LRRC37A2: variants seen among roughly 807,000 people sequenced by gnomAD.
LRRC37A2 encodes the protein leucine-rich repeat-containing protein 37A2.
A neutral mutation model predicts 68.8 loss-of-function variants in LRRC37A2; 9 were observed. The ratio of observed to expected loss-of-function variants is 0.13; its 90% CI spans 0.08 to 0.23. The LOEUF (loss-of-function observed/expected upper bound fraction) is 0.23, where lower values mean the gene tolerates loss of function less well. Among genes scored for constraint, LRRC37A2 ranks in the 10% least tolerant of loss-of-function variants. The probability of loss-of-function intolerance (pLI) is 1.00; values close to 1 mark genes in which losing one functional copy is unlikely to be tolerated. For synonymous variants in LRRC37A2, 63 were observed against 367.6 expected (o/e 0.17, Z 9.48); for missense variants, 168 against 950.4 (o/e 0.18, Z 10.82).
the LRRC37A2 span, chr17:46,876,653 T>G: frequency 6.2e-7 from 1 of 1,606,160 alleles, no homozygotes; most frequent in Non-Finnish European, 8.5e-7. Flanking sequence ...CCAGGTGCAG[T>G]GGTGCTGCTA....
At chr17:46,871,963 G>T in the LRRC37A2 span, among the ~76,000 whole-genome samples, 3 of 152,132 alleles carry the variant, frequency 2.0e-5, no homozygotes, top group Non-Finnish European at 4.4e-5. Context: ...GGATTACTTG[G>T]GCAGCAGCAT....
chr17:46,915,590 G>A, the LRRC37A2 span, among the ~76,000 whole-genome samples: 1 of 152,170 alleles, frequency 6.6e-6, no homozygotes, highest in Non-Finnish European at 1.5e-5. Context: ...AGGCAAGCAG[G>A]GTCCCTAGCT....
chr17:46,711,177 A>G, the LRRC37A2 span: 2 of 1,412,074 alleles, frequency 1.4e-6, no homozygotes, highest in African/African-American at 3.0e-5. Context: ...AGCATTTTTT[A>G]AAAGCCCGTA....
chr17:46,439,497 T>TA, the LRRC37A2 span, among the ~76,000 whole-genome samples: 1 of 109,870 alleles, frequency 9.1e-6, no homozygotes, highest in African/African-American at 3.3e-5. Flanking sequence ...TGTAGAATGA[T>TA]AATGCTGTGG....
At chr17:46,727,123 A>G in the LRRC37A2 span, among the ~76,000 whole-genome samples, 17 of 152,324 alleles carry the variant, frequency 1.1e-4, no homozygotes, top group African/African-American at 4.1e-4. Context: ...AGTAATTGTG[A>G]AGACAAAAAT....
the LRRC37A2 span, chr17:46,941,740 ATTT>A: frequency 5.3e-5 from 8 of 149,810 alleles, no homozygotes; most frequent in Non-Finnish European, 1.1e-4. Context: ...TGTCTGGCTA[ATTT>A]TTTTTTTTTT....
the LRRC37A2 span, among the ~76,000 whole-genome samples, chr17:46,384,246 G>A: frequency 6.9e-5 from 1 of 14,508 alleles, no homozygotes; most frequent in Admixed American, 1.5e-3. Flanking sequence ...GCTCTTTTCC[G>A]TACGAATTCT....
At chr17:46,734,771 A>G in the LRRC37A2 span, among the ~76,000 whole-genome samples, 1 of 152,194 alleles carries the variant, frequency 6.6e-6, no homozygotes, top group African/African-American at 2.4e-5. Flanking sequence ...AAAACAGTGA[A>G]ATAGGCCAGA....
At chr17:47,019,520 T>C in the LRRC37A2 span, 28 of 1,528,550 alleles carry the variant, frequency 1.8e-5, 1 homozygote, top group Non-Finnish European at 2.4e-5. Context: ...CAGCTCCTCA[T>C]CCAGATCAGC....
At chr17:46,807,525 T>C in the LRRC37A2 span, among the ~76,000 whole-genome samples, 2 of 152,156 alleles carry the variant, frequency 1.3e-5, no homozygotes, top group Admixed American at 1.3e-4. Context: ...AGAAGCAGAC[T>C]GGAATTCTCA....
the LRRC37A2 span, among the ~76,000 whole-genome samples, chr17:46,735,527 A>G: frequency 2.6e-5 from 4 of 151,824 alleles, no homozygotes; most frequent in Non-Finnish European, 5.9e-5. Context: ...ATAGCCTTGA[A>G]CGTCCCTTAA....
the LRRC37A2 span, among the ~76,000 whole-genome samples, chr17:46,976,462 G>A: frequency 6.6e-6 from 1 of 151,832 alleles, no homozygotes; most frequent in Non-Finnish European, 1.5e-5. Flanking sequence ...CAGGAGAATC[G>A]CTTGAACCTG....
the LRRC37A2 span, among the ~76,000 whole-genome samples, chr17:46,804,936 G>A: frequency 3.0e-5 from 1 of 33,576 alleles, no homozygotes; most frequent in Admixed American, 2.7e-4. Context: ...CCACCCCCAA[G>A]CCAGCAGCAC....
At chr17:46,780,592 C>CCTGGCCAACAT in the LRRC37A2 span, among the ~76,000 whole-genome samples, 1 of 151,826 alleles carries the variant, frequency 6.6e-6, no homozygotes, top group Non-Finnish European at 1.5e-5. Context: ...ATCGAGACCA[C>CCTGGCCAACAT]GGTGAAACCC....
At chr17:46,876,339 G>A in the LRRC37A2 span, 26 of 1,614,034 alleles carry the variant, frequency 1.6e-5, no homozygotes, top group East Asian at 2.2e-5. Flanking sequence ...TCCCCGTTCC[G>A]TGAGACGGGC....
chr17:46,882,117 C>T, the LRRC37A2 span, among the ~76,000 whole-genome samples: 1 of 152,172 alleles, frequency 6.6e-6, no homozygotes, highest in South Asian at 2.1e-4. Context: ...GATTGCACCA[C>T]TGCCTTCCAG....
chr17:46,868,220 C>T, the LRRC37A2 span, among the ~76,000 whole-genome samples: 1 of 152,188 alleles, frequency 6.6e-6, no homozygotes, highest in Non-Finnish European at 1.5e-5. Context: ...TTCCTCTGCC[C>T]TTTAGTTCAG....
chr17:46,913,665 C>A, the LRRC37A2 span, among the ~76,000 whole-genome samples: 1 of 152,246 alleles, frequency 6.6e-6, no homozygotes, highest in African/African-American at 2.4e-5. Context: ...AGGGCTCTGT[C>A]TGCCACGATG....
At chr17:46,978,547 G>T in the LRRC37A2 span, 34 of 1,440,708 alleles carry the variant, frequency 2.4e-5, no homozygotes, top group Non-Finnish European at 2.8e-5. Context: ...GTAGCTGCCC[G>T]CCCGGAGGCG....
Sources: allele counts gnomAD v4.1 joint callset (sites outside exome capture counted in the v4.1 genomes callset), GRCh38; gene constraint gnomAD v4.1.1; transcripts MANE v1.5; gene names NCBI Gene and HGNC (gene_info 2026-07-23, HGNC 2026-07-21).